CCDC178: variants seen among roughly 807,000 people sequenced by gnomAD.
CCDC178 encodes coiled-coil domain containing 178, also known as coiled-coil domain-containing protein 178.
CCDC178 carries 126 observed loss-of-function variants against 117.4 expected under a neutral mutation model. The ratio of observed to expected loss-of-function variants is 1.07; its 90% confidence interval spans 0.93 to 1.24. CCDC178 has a LOEUF of 1.24. CCDC178 is among the 50% of genes most tolerant of loss of function. The pLI is 0.00. For missense variants in CCDC178, 1,030 were observed against 986.9 expected (o/e 1.04, Z -0.59); for synonymous variants, 283 against 313.4 (o/e 0.90, Z 1.02).
At chr18:33,330,732 G>A (rs556857369) in intron 10 of CCDC178, among the ~76,000 whole-genome samples, 1 of 152,184 alleles carries the variant, frequency 6.6e-6, no homozygotes, top group East Asian at 1.9e-4. Context: ...CCCAGGGAAA[G>A]GTTGCTGTCC....
intron 20 of CCDC178, among the ~76,000 whole-genome samples, chr18:33,152,897 G>A (rs941654860): frequency 2.6e-5 from 4 of 151,808 alleles, no homozygotes; most frequent in Non-Finnish European, 5.9e-5. Flanking sequence ...TTTGAAGTTA[G>A]ACACGAGACA....
chr18:33,028,642 G>C (rs2056275439), intron 21 of CCDC178, among the ~76,000 whole-genome samples: 1 of 151,644 alleles, frequency 6.6e-6, no homozygotes, highest in African/African-American at 2.4e-5. Context: ...AATTATGTTA[G>C]TTGTGGGTTT....
intron 20 of CCDC178, among the ~76,000 whole-genome samples, chr18:33,182,605 G>C (rs1295912130): frequency 6.6e-6 from 1 of 151,852 alleles, no homozygotes; most frequent in African/African-American, 2.4e-5. Context: ...AGTGCTAATA[G>C]ATGAAAATGA....
intron 20 of CCDC178, among the ~76,000 whole-genome samples, chr18:33,179,059 T>TAAAAAAAAAA (rs757037955): frequency 1.4e-4 from 2 of 14,758 alleles, no homozygotes; most frequent in African/African-American, 8.4e-4. Context: ...AAGCACTCAG[T>TAAAAAAAAAA]AAAAAAAAAA....
intron 21 of CCDC178, among the ~76,000 whole-genome samples, chr18:33,066,007 G>A (rs560957387): frequency 7.1e-4 from 107 of 151,688 alleles, no homozygotes; most frequent in Admixed American, 1.3e-3. Flanking sequence ...GACTACAGGC[G>A]CCTGCCATCA....
chr18:33,394,985 A>ATATATATG (rs2063616484), intron 4 of CCDC178, among the ~76,000 whole-genome samples: 1 of 128,078 alleles, frequency 7.8e-6, no homozygotes, highest in Non-Finnish European at 1.7e-5. Flanking sequence ...ATATATATAT[A>ATATATATG]TATGTATACA....
intron 11 of CCDC178, among the ~76,000 whole-genome samples, chr18:33,321,014 T>G (rs1188767592): frequency 1.3e-5 from 2 of 152,184 alleles, no homozygotes; most frequent in African/African-American, 4.8e-5. Flanking sequence ...TAGTAAATGA[T>G]GCTGGGAAAA....
chr18:33,403,104 G>A (rs1342710435), intron 3 of CCDC178, among the ~76,000 whole-genome samples: 6 of 152,126 alleles, frequency 3.9e-5, no homozygotes, highest in African/African-American at 1.4e-4. Context: ...ACCCATGAAA[G>A]CCCTAATCTC....
Position 33,117,569 on chromosome 18 carries a change from G to A in CCDC178, c.2239-24659C>T, listed in dbSNP as rs901734469. 2.6e-5 allele frequency among the ~76,000 whole-genome samples: 4 copies of A among 152,022 alleles called. No homozygotes were observed. The East Asian group carries it at 5.8e-4, about 22-fold the overall frequency. Reference sequence around the variant, plus strand: ...GGAACATCACACACCGGGGCCTGTCGTGGGGTGGGGGGAGCGGGGAGAGGG... The same window carrying A: ...GGAACATCACACACCGGGGCCTGTCATGGGGTGGGGGGAGCGGGGAGAGGG... On this transcript the variant is annotated intron_variant, in intron 20 of 22. Transcript: ENST00000383096.
At chr18:33,228,053 G>A (rs2059328514) in intron 15 of CCDC178, among the ~76,000 whole-genome samples, 1 of 152,134 alleles carries the variant, frequency 6.6e-6, no homozygotes, top group South Asian at 2.1e-4. Context: ...AGCTCGATTT[G>A]ACCTTTGTCT....
chr18:32,994,740 A>G (rs1336131343), intron 21 of CCDC178, among the ~76,000 whole-genome samples: 2 of 152,190 alleles, frequency 1.3e-5, no homozygotes, highest in African/African-American at 2.4e-5. Flanking sequence ...TAATTAATTA[A>G]TTATGGCCAT....
chr18:33,416,967 A>G (rs556988091), intron 2 of CCDC178, among the ~76,000 whole-genome samples: 4 of 152,350 alleles, frequency 2.6e-5, no homozygotes, highest in Non-Finnish European at 5.9e-5. Flanking sequence ...GCTGGCAAGT[A>G]TGTGGAGAAA....
chr18:33,346,298 GTTGTT>G lies in CCDC178; in HGVS notation c.566_570del (p.Lys189ThrfsTer9). 1 of 1,613,740 alleles carries G rather than the reference GTTGTT, an allele frequency of 6.2e-7. No homozygotes were observed. The highest frequency in any genetic ancestry group is 8.5e-7 in the Non-Finnish European group (1 of 1,179,772). ...TTAATCATATTCTTTCTTGATCTCTGTTGTTTTAAAGCTTCTTCAGCGTCTGCCCG... is the reference window on the plus strand; with the variant it reads ...TTAATCATATTCTTTCTTGATCTCTGTTAAAGCTTCTTCAGCGTCTGCCCG... On this transcript the variant is annotated frameshift_variant, in exon 9 of 23. Transcript: ENST00000383096. LOFTEE classifies it high-confidence loss of function.
intron 14 of CCDC178, among the ~76,000 whole-genome samples, chr18:33,253,705 T>C (rs1037483529): frequency 6.6e-6 from 1 of 151,886 alleles, no homozygotes; most frequent in Non-Finnish European, 1.5e-5. Context: ...TTCTGCAACA[T>C]GTCAGAAATA....
At position 33,358,571 on chromosome 18, in the gene CCDC178, A is replaced by G. The variant is rs576401817; in HGVS notation, c.349-2225T>C. Among the ~76,000 whole-genome samples the G allele has an allele frequency of 9.9e-5, 15 of 152,028 alleles. 1 individual carries two copies. The South Asian group carries it at 3.1e-3, about 31-fold the overall frequency. ...GATTTGAAATAAAATCAATGTGGAA[A>G]AAACTAATTTTCCTTAGTAAAATTA... On this transcript the variant is annotated intron_variant, in intron 6 of 22. Transcript: ENST00000383096.
intron 20 of CCDC178, among the ~76,000 whole-genome samples, chr18:33,118,864 C>T (rs2057895606): frequency 6.6e-6 from 1 of 152,090 alleles, no homozygotes; most frequent in African/African-American, 2.4e-5. Flanking sequence ...TGGAACAGAG[C>T]AGAGCCCTCA....
chr18:33,383,543 G>A (rs1412645178), intron 5 of CCDC178, among the ~76,000 whole-genome samples: 1 of 152,044 alleles, frequency 6.6e-6, no homozygotes, highest in African/African-American at 2.4e-5. Context: ...TTGCTATTCT[G>A]CATCCTCCAC....
At chr18:33,214,191 A>G (rs2059139019) in intron 19 of CCDC178, among the ~76,000 whole-genome samples, 1 of 152,048 alleles carries the variant, frequency 6.6e-6, no homozygotes, top group Non-Finnish European at 1.5e-5. Context: ...GATACAATTT[A>G]ACCACTTGCT....
intron 12 of CCDC178, among the ~76,000 whole-genome samples, chr18:33,281,937 G>A (rs1402622249): frequency 6.6e-6 from 1 of 152,312 alleles, no homozygotes; most frequent in African/African-American, 2.4e-5. Context: ...AAACTGTAAA[G>A]AGAGAGAGGG....
Sources: gnomAD v4.1 joint callset for allele counts (sites outside exome capture counted in the v4.1 genomes callset) on GRCh38, gnomAD v4.1.1 for gene constraint, MANE v1.5 for transcripts, NCBI Gene and HGNC (gene_info 2026-07-23, HGNC 2026-07-21) for gene names.